The following PLA2G4E variants were observed in gnomAD, a reference collection of about 807,000 sequenced individuals.
PLA2G4E encodes phospholipase A2 group IVE.
A neutral mutation model predicts 109.1 loss-of-function variants in PLA2G4E; 84 were observed. The observed-to-expected ratio is 0.77, with a 90% CI of 0.65 to 0.92. The LOEUF is 0.92. Ranked by LOEUF, PLA2G4E falls within the 40% of genes least tolerant of loss-of-function variation. The pLI is 0.00. For synonymous variants in PLA2G4E, 469 were observed against 436.1 expected, an observed-to-expected ratio of 1.08 and a Z score of -0.94; for missense variants, 1,057 against 1,076.6, an observed-to-expected ratio of 0.98 and a Z score of 0.25.
intron 16 of PLA2G4E, 24 bp downstream of exon 16, chr15:41,988,025 T>G: frequency 6.5e-7 from 1 of 1,545,310 alleles, no homozygotes; most frequent in East Asian, 2.3e-5. Flanking sequence ...CACCCAGCCA[T>G]GAGGGAAAGC....
intron 1 of PLA2G4E, among the ~76,000 whole-genome samples, chr15:42,042,991 A>G (rs944941900): frequency 2.0e-5 from 3 of 152,208 alleles, no homozygotes; most frequent in Non-Finnish European, 4.4e-5. Context: ...CTGAGTGGGT[A>G]GATTTGACCT....
intron 1 of PLA2G4E, among the ~76,000 whole-genome samples, chr15:42,043,330 G>T (rs1014333791): frequency 6.6e-6 from 1 of 152,122 alleles, no homozygotes; most frequent in Non-Finnish European, 1.5e-5. Flanking sequence ...GAACAGGGAA[G>T]GGCCAGCCTG....
chr15:41,986,112 G>A lies in PLA2G4E; in HGVS notation c.2036-107C>T, dbSNP rs1323750584. On this transcript the variant is annotated intron_variant, in intron 17 of 19. Coordinates refer to ENST00000399518, the Ensembl canonical transcript of PLA2G4E. ...CCTGTCTGGAGCATCCTTCGCCTCAGCCTGACCAGGACGCCCACTGAGTTC... is the reference window on the plus strand; with the variant it reads ...CCTGTCTGGAGCATCCTTCGCCTCAACCTGACCAGGACGCCCACTGAGTTC... 3 of 1,202,670 alleles carry A rather than the reference G, an allele frequency of 2.5e-6. No homozygotes were observed. The East Asian group carries it at 7.7e-5, about 31-fold the overall frequency. The allele number at this position is 1,202,670 out of a possible 1,614,324, so 74.5% of individuals were successfully genotyped here.
intron 1 of PLA2G4E, 60 bp from the exon 2 acceptor site, chr15:42,013,817 G>A (rs1668564): frequency 0.61 from 879,900 of 1,432,948 alleles, 272,559 homozygotes; most frequent in East Asian, 0.82. Context: ...CCATTGCCCC[G>A]GGGGAGACTT....
At chr15:41,983,391 G>T in exon 20 of PLA2G4E, 1 of 256,610 alleles carries the variant, frequency 3.9e-6, no homozygotes, top group Non-Finnish European at 7.5e-6. Flanking sequence ...AGAGGACAGA[G>T]AGAGGAGGGC....
intron 11 of PLA2G4E, 74 bp downstream of exon 11, chr15:41,997,049 GC>G: frequency 6.9e-7 from 1 of 1,452,782 alleles, no homozygotes. Flanking sequence ...GTAGGGCAGG[GC>G]CTGGGTTGGC....
At chr15:41,989,684 A>G in intron 14 of PLA2G4E, 132 bp from the exon 15 acceptor site, 2 of 1,273,922 alleles carry the variant, frequency 1.6e-6, no homozygotes, top group Non-Finnish European at 2.1e-6. Flanking sequence ...CAGTTCCCCC[A>G]AAGGACACAT....
At chr15:42,012,458 C>T (rs1019423537) in intron 2 of PLA2G4E, among the ~76,000 whole-genome samples, 1 of 152,170 alleles carries the variant, frequency 6.6e-6, no homozygotes, top group African/African-American at 2.4e-5. Context: ...CAGGGCCTCT[C>T]CTCAAGTTGC....
At chr15:42,021,845 C>T (rs2068651604) in intron 1 of PLA2G4E, among the ~76,000 whole-genome samples, 1 of 152,188 alleles carries the variant, frequency 6.6e-6, no homozygotes, top group Non-Finnish European at 1.5e-5. Flanking sequence ...TTTTCTGGAC[C>T]ATAGATAGAA....
At chr15:42,047,959 T>C (rs1430940056) in intron 1 of PLA2G4E, among the ~76,000 whole-genome samples, 1 of 152,246 alleles carries the variant, frequency 6.6e-6, no homozygotes, top group Admixed American at 6.5e-5. Flanking sequence ...TATTAATGAC[T>C]ATAATTTTAG....
intron 1 of PLA2G4E, among the ~76,000 whole-genome samples, chr15:42,025,139 T>A (rs1364691698): frequency 4.8e-5 from 7 of 146,014 alleles, no homozygotes; most frequent in African/African-American, 1.8e-4. Context: ...GAGCTTGCAG[T>A]GAGCCAAGAT....
exon 14 of PLA2G4E, chr15:41,990,201 G>A: frequency 1.9e-6 from 3 of 1,613,792 alleles, no homozygotes; most frequent in Non-Finnish European, 2.5e-6. Context: ...GCAGCTCAAA[G>A]CAGCACGCTG....
At chr15:42,011,648 T>C (rs1222840558) in intron 2 of PLA2G4E, among the ~76,000 whole-genome samples, 1 of 152,086 alleles carries the variant, frequency 6.6e-6, no homozygotes, top group Non-Finnish European at 1.5e-5. Context: ...GAGGATCACC[T>C]GAGCCCAGGA....
At chr15:42,001,313 A>G in intron 6 of PLA2G4E, 93 bp from the exon 7 acceptor site, 1 of 1,215,794 alleles carries the variant, frequency 8.2e-7, no homozygotes. Flanking sequence ...CAGAGGATAC[A>G]TTCAGCATTG....
chr15:42,024,283 T>C (rs1421933031), intron 1 of PLA2G4E, among the ~76,000 whole-genome samples: 2 of 152,180 alleles, frequency 1.3e-5, no homozygotes, highest in Non-Finnish European at 2.9e-5. Context: ...TCAAGTGCTC[T>C]TTTGGTAGAG....
chr15:41,992,953 C>T, exon 13 of PLA2G4E: 1 of 1,610,828 alleles, frequency 6.2e-7, no homozygotes, highest in African/African-American at 1.3e-5. Flanking sequence ...ACAAGGTAGC[C>T]ATGGTCCTGG....
At chr15:42,028,816 G>A (rs972402627) in intron 1 of PLA2G4E, among the ~76,000 whole-genome samples, 5 of 152,084 alleles carry the variant, frequency 3.3e-5, no homozygotes, top group African/African-American at 1.2e-4. Flanking sequence ...ATGACATAAA[G>A]TAAAACAAGC....
At chr15:42,002,670 G>A (rs1410315494) in exon 6 of PLA2G4E, 1 of 1,585,358 alleles carries the variant, frequency 6.3e-7, no homozygotes, top group Non-Finnish European at 8.6e-7. Flanking sequence ...CACGCCATTG[G>A]TGACGAGGGT....
At chr15:42,035,276 T>C (rs1406284026) in intron 1 of PLA2G4E, among the ~76,000 whole-genome samples, 3 of 152,230 alleles carry the variant, frequency 2.0e-5, no homozygotes, top group African/African-American at 4.8e-5. Context: ...CTGTCATATG[T>C]CTACCCACCA....
Sources: allele counts gnomAD v4.1 joint callset (sites outside exome capture counted in the v4.1 genomes callset), GRCh38; gene constraint gnomAD v4.1.1; transcripts MANE v1.5; gene names NCBI Gene and HGNC (gene_info 2026-07-23, HGNC 2026-07-21).